The following ZNF567 variants were observed in gnomAD, a reference collection of about 807,000 sequenced individuals.
The protein encoded by ZNF567 is zinc finger protein 567.
ZNF567 carries 36 observed loss-of-function variants against 53.9 expected under a neutral mutation model. The observed-to-expected ratio is 0.67, with a 90% CI of 0.51 to 0.88. ZNF567 has a LOEUF of 0.88. Ranked by LOEUF, ZNF567 falls within the 40% of genes least tolerant of loss-of-function variation. The probability of loss-of-function intolerance (pLI) is 0.00; values close to 1 mark genes in which losing one functional copy is unlikely to be tolerated. For missense variants in ZNF567, 619 were observed against 764.7 expected (o/e 0.81, Z 2.25); for synonymous variants, 224 against 260.4 (o/e 0.86, Z 1.35).
chr19:36,676,390 C>A, the ZNF567 span, among the ~76,000 whole-genome samples: 1 of 149,940 alleles, frequency 6.7e-6, no homozygotes. Context: ...TTTAACTGAT[C>A]ACTTAACAGT....
chr19:36,702,657 T>A (rs920510408), intron 3 of ZNF567, among the ~76,000 whole-genome samples: 1 of 152,176 alleles, frequency 6.6e-6, no homozygotes, highest in Non-Finnish European at 1.5e-5. Flanking sequence ...CTTCCCTTCT[T>A]GCTTCATTTC....
At chr19:36,674,450 G>A in the ZNF567 span, among the ~76,000 whole-genome samples, 1 of 152,304 alleles carries the variant, frequency 6.6e-6, no homozygotes, top group South Asian at 2.1e-4. Context: ...CTCGTCATGT[G>A]TATGCCTTAC....
At chr19:36,669,979 G>A in the ZNF567 span, among the ~76,000 whole-genome samples, 1 of 152,236 alleles carries the variant, frequency 6.6e-6, no homozygotes, top group East Asian at 1.9e-4. Context: ...CAGTTACCCT[G>A]TAACAGATAT....
intron 3 of ZNF567, among the ~76,000 whole-genome samples, chr19:36,697,669 G>T (rs1444789111): frequency 6.6e-6 from 1 of 151,028 alleles, no homozygotes; most frequent in African/African-American, 2.4e-5. Flanking sequence ...CTGGAGTGCA[G>T]TGGTGGATCT....
intron 3 of ZNF567, among the ~76,000 whole-genome samples, chr19:36,708,007 C>G (rs987336930): frequency 6.6e-6 from 1 of 152,110 alleles, no homozygotes; most frequent in Admixed American, 6.5e-5. Flanking sequence ...GCGATCCCCC[C>G]ACCTCAGTCT....
chr19:36,678,080 T>C, the ZNF567 span, among the ~76,000 whole-genome samples: 1 of 152,148 alleles, frequency 6.6e-6, no homozygotes, highest in Non-Finnish European at 1.5e-5. Flanking sequence ...GATTTCCCCA[T>C]TGAAGAAAAG....
intron 3 of ZNF567, among the ~76,000 whole-genome samples, chr19:36,709,493 C>T (rs1659330112): frequency 6.6e-6 from 1 of 152,172 alleles, no homozygotes; most frequent in African/African-American, 2.4e-5. Context: ...CCCACCACCC[C>T]TTCCCCTTCC....
At chr19:36,717,164 C>A (rs2040104653) in intron 5 of ZNF567, among the ~76,000 whole-genome samples, 1 of 151,960 alleles carries the variant, frequency 6.6e-6, no homozygotes, top group African/African-American at 2.4e-5. Context: ...GTATTTATTT[C>A]TATGAAGAAG....
At chr19:36,697,918 C>CTTTTTTTTTTT (rs71171464) in intron 3 of ZNF567, among the ~76,000 whole-genome samples, 2 of 135,744 alleles carry the variant, frequency 1.5e-5, no homozygotes, top group Non-Finnish European at 3.2e-5. Flanking sequence ...GCTGGAATTT[C>CTTTTTTTTTTT]TTTTTTTTTT....
downstream of ZNF567, among the ~76,000 whole-genome samples, chr19:36,724,300 CCT>C (rs2040325848): frequency 6.6e-6 from 1 of 151,892 alleles, no homozygotes; most frequent in African/African-American, 2.4e-5. Flanking sequence ...GCCACCGCAC[CCT>C]GCTTTATTTA....
chr19:36,706,835 T>G (rs1338242850), intron 3 of ZNF567, among the ~76,000 whole-genome samples: 1 of 151,758 alleles, frequency 6.6e-6, no homozygotes, highest in African/African-American at 2.4e-5. Context: ...TTTAAATTTT[T>G]TATAGAGGTG....
At chr19:36,717,761 A>G (rs956051063) in intron 5 of ZNF567, among the ~76,000 whole-genome samples, 24 of 152,200 alleles carry the variant, frequency 1.6e-4, no homozygotes, top group African/African-American at 5.3e-4. Flanking sequence ...AGTTACTCTG[A>G]TTTAGGACCA....
At chr19:36,723,339 T>A, downstream of ZNF567, 1 of 687,342 alleles carries the variant, frequency 1.5e-6, no homozygotes, top group South Asian at 1.5e-5. Context: ...ATAAAAAGTA[T>A]CTGTGGCATC....
chr19:36,682,424 T>C, the ZNF567 span, among the ~76,000 whole-genome samples: 2 of 151,758 alleles, frequency 1.3e-5, no homozygotes, highest in South Asian at 4.1e-4. Context: ...TACTATATGA[T>C]TCCACCTATA....
At chr19:36,707,216 A>G (rs1156724617) in intron 3 of ZNF567, among the ~76,000 whole-genome samples, 1 of 151,920 alleles carries the variant, frequency 6.6e-6, no homozygotes, top group Non-Finnish European at 1.5e-5. Flanking sequence ...TTCACTTATT[A>G]GAAGTACTTC....
intron 1 of ZNF567, among the ~76,000 whole-genome samples, chr19:36,688,247 A>C (rs967218304): frequency 2.0e-5 from 3 of 152,050 alleles, no homozygotes; most frequent in African/African-American, 7.2e-5. Context: ...GTAGTGGGTG[A>C]TACAGCTATG....
At chr19:36,676,702 G>A in the ZNF567 span, among the ~76,000 whole-genome samples, 1 of 152,300 alleles carries the variant, frequency 6.6e-6, no homozygotes, top group African/African-American at 2.4e-5. Context: ...GTAACTATAA[G>A]GATGTGATGT....
downstream of ZNF567, among the ~76,000 whole-genome samples, chr19:36,721,902 G>A (rs1414238354): frequency 1.3e-5 from 2 of 151,542 alleles, no homozygotes; most frequent in African/African-American, 4.8e-5. Flanking sequence ...GTGCCATCAC[G>A]CCCAGCTAAT....
chr19:36,687,848 G>A (rs2038336259), intron 1 of ZNF567, among the ~76,000 whole-genome samples: 1 of 152,222 alleles, frequency 6.6e-6, no homozygotes, highest in African/African-American at 2.4e-5. Context: ...GGGAGCACCT[G>A]AAGAAGGGAA....
Sources: allele counts gnomAD v4.1 joint callset (sites outside exome capture counted in the v4.1 genomes callset), GRCh38; gene constraint gnomAD v4.1.1; transcripts MANE v1.5; gene names NCBI Gene and HGNC (gene_info 2026-07-23, HGNC 2026-07-21).